The following NEGR1 variants were observed in gnomAD, a reference collection of about 807,000 sequenced individuals.
The protein encoded by NEGR1 is neuronal growth regulator 1.
A neutral mutation model predicts 40.9 loss-of-function variants in NEGR1; 10 were observed. The ratio of observed to expected loss-of-function variants is 0.24; its 90% CI spans 0.15 to 0.42. The LOEUF is 0.42. Among genes scored for constraint, NEGR1 ranks in the 10% least tolerant of loss-of-function variants. The pLI is 1.00. For missense variants in NEGR1, 352 were observed against 438.9 expected (o/e 0.80, Z 1.77); for synonymous variants, 185 against 166.8 (o/e 1.11, Z -0.84).
intron 3 of NEGR1, among the ~76,000 whole-genome samples, chr1:71,769,839 T>C (rs1425151229): frequency 6.6e-6 from 1 of 152,236 alleles, no homozygotes; most frequent in Non-Finnish European, 1.5e-5. Flanking sequence ...GAATATGAAA[T>C]GTTTATAAGT....
At chr1:71,565,230 A>T (rs1206831863) in intron 6 of NEGR1, among the ~76,000 whole-genome samples, 1 of 152,096 alleles carries the variant, frequency 6.6e-6, no homozygotes, top group Non-Finnish European at 1.5e-5. Flanking sequence ...TCTTACTGAG[A>T]TCCTACTTGA....
At chr1:72,186,949 T>C (rs1652634412) in intron 1 of NEGR1, among the ~76,000 whole-genome samples, 1 of 151,602 alleles carries the variant, frequency 6.6e-6, no homozygotes, top group African/African-American at 2.4e-5. Flanking sequence ...TTTCTCTCCC[T>C]TGAAAGTCAA....
intron 2 of NEGR1, among the ~76,000 whole-genome samples, chr1:71,887,685 A>C (rs1478194883): frequency 6.6e-6 from 1 of 152,052 alleles, no homozygotes; most frequent in Non-Finnish European, 1.5e-5. Flanking sequence ...TTAAAACTAT[A>C]TATTATTGTT....
chr1:72,178,550 A>G (rs1299178018), intron 1 of NEGR1, among the ~76,000 whole-genome samples: 1 of 151,792 alleles, frequency 6.6e-6, no homozygotes. Flanking sequence ...GTATCTAGGA[A>G]TTCTATGACA....
chr1:71,771,722 A>AAAAAAAAAG (rs1656333440), intron 3 of NEGR1, among the ~76,000 whole-genome samples: 16 of 148,272 alleles, frequency 1.1e-4, no homozygotes, highest in South Asian at 2.1e-4. Context: ...AAAAAAAAAA[A>AAAAAAAAAG]GGTGTGAATC....
At chr1:71,941,644 G>A (rs1008098367) in intron 1 of NEGR1, among the ~76,000 whole-genome samples, 4 of 152,150 alleles carry the variant, frequency 2.6e-5, no homozygotes, top group African/African-American at 9.6e-5. Flanking sequence ...CTCATCCTTA[G>A]AGATGATAAG....
chr1:72,086,534 A>G (rs529115497), intron 1 of NEGR1, among the ~76,000 whole-genome samples: 56 of 152,338 alleles, frequency 3.7e-4, no homozygotes, highest in African/African-American at 1.3e-3. Context: ...CACAACATGA[A>G]TGAATACTTT....
intron 1 of NEGR1, among the ~76,000 whole-genome samples, chr1:72,178,035 C>T (rs1216737130): frequency 6.6e-6 from 1 of 151,978 alleles, no homozygotes; most frequent in African/African-American, 2.4e-5. Flanking sequence ...TCTCAGATGT[C>T]TTTAAAAGGA....
intron 2 of NEGR1, among the ~76,000 whole-genome samples, chr1:71,784,521 G>A (rs996269489): frequency 6.6e-6 from 1 of 152,122 alleles, no homozygotes; most frequent in African/African-American, 2.4e-5. Context: ...GATGCAATAG[G>A]CAACATTTTA....
In NEGR1 at chr1:71,398,543, T is replaced by C. The variant is rs1646226600; in HGVS notation, c.*8903A>G. On this transcript the variant is annotated 3_prime_UTR_variant, in exon 7 of 7. Transcript: ENST00000357731. ...TGCTTACCCAATGCCTGTACTTCCATTGCATCTAGGAAGTAACTAACTTGC... is the reference window on the plus strand; with the variant it reads ...TGCTTACCCAATGCCTGTACTTCCACTGCATCTAGGAAGTAACTAACTTGC... 1 of 152,256 alleles carries C rather than the reference T, an allele frequency of 6.6e-6. No individual in the cohort carries two copies. Among genetic ancestry groups the C allele is most frequent in the African/African-American group, 2.4e-5 (1 of 41,456 alleles). 9.4% of individuals were successfully genotyped at this position (152,256 alleles called of 1,614,324 possible).
At chr1:71,647,862 CTTA>C (rs2101579462) in intron 4 of NEGR1, among the ~76,000 whole-genome samples, 1 of 152,070 alleles carries the variant, frequency 6.6e-6, no homozygotes, top group African/African-American at 2.4e-5. Flanking sequence ...ACTGTGTAAA[CTTA>C]TTATAGTATA....
intron 2 of NEGR1, among the ~76,000 whole-genome samples, chr1:71,911,608 C>A (rs1661422217): frequency 6.6e-6 from 1 of 152,098 alleles, no homozygotes; most frequent in Non-Finnish European, 1.5e-5. Context: ...CCAAGAAATA[C>A]AAGATTGTTT....
chr1:71,415,981 A>G (rs1646352286), intron 6 of NEGR1, among the ~76,000 whole-genome samples: 1 of 152,090 alleles, frequency 6.6e-6, no homozygotes, highest in Non-Finnish European at 1.5e-5. Context: ...TTTGCACAAA[A>G]TACGATACAC....
At chr1:72,026,148 ATAAT>A (rs755556143) in intron 1 of NEGR1, among the ~76,000 whole-genome samples, 75 of 148,640 alleles carry the variant, frequency 5.0e-4, no homozygotes, top group Non-Finnish European at 9.4e-4. Flanking sequence ...AAAAAATGAC[ATAAT>A]TAAAGCAGAT....
chr1:71,560,429 TTATATATATATATATATATGTA>T (rs1156692600), intron 6 of NEGR1, among the ~76,000 whole-genome samples: 1 of 114,266 alleles, frequency 8.8e-6, no homozygotes, highest in Non-Finnish European at 1.8e-5. Context: ...TAATTCTCCA[TTATATATATATATATATATGTA>T]TATATATATT....
intron 6 of NEGR1, among the ~76,000 whole-genome samples, chr1:71,413,632 A>G (rs532571735): frequency 2.2e-4 from 33 of 152,244 alleles, no homozygotes; most frequent in African/African-American, 7.7e-4. Context: ...AGAGAACAGC[A>G]TGGTGAGTGA....
intron 1 of NEGR1, among the ~76,000 whole-genome samples, chr1:71,957,393 C>A (rs1441797864): frequency 6.6e-6 from 1 of 151,974 alleles, no homozygotes; most frequent in Non-Finnish European, 1.5e-5. Flanking sequence ...GTTATTCAAG[C>A]CAATTTGAGG....
chr1:71,567,793 C>G lies in NEGR1; in HGVS notation c.940+25024G>C, dbSNP rs144405176. Among the ~76,000 whole-genome samples, 406 of 151,662 alleles carry G rather than the reference C, an allele frequency of 2.7e-3. 2 individuals carry two copies. Among genetic ancestry groups the G allele is most frequent in the African/African-American group, 9.4e-3 (388 of 41,358 alleles). ...TATTAGGAACTGGGGTTTTGGGGAG[C>G]CAATTAGGCCATGAGGGTGGAGCTG... is the stretch of plus-strand genomic sequence containing the variant. On this transcript the variant is annotated intron_variant, in intron 6 of 6. Transcript: ENST00000357731.
At chr1:71,833,024 A>G (rs1438177561) in intron 2 of NEGR1, among the ~76,000 whole-genome samples, 1 of 152,042 alleles carries the variant, frequency 6.6e-6, no homozygotes, top group Admixed American at 6.6e-5. Flanking sequence ...AGAAAGAAAA[A>G]CATCATGAAA....
Sources: gnomAD v4.1 joint callset for allele counts (sites outside exome capture counted in the v4.1 genomes callset) on GRCh38, gnomAD v4.1.1 for gene constraint, MANE v1.5 for transcripts, NCBI Gene and HGNC (gene_info 2026-07-23, HGNC 2026-07-21) for gene names.